The following PCDHA9 variants were observed in gnomAD, a reference collection of about 807,000 sequenced individuals.
The protein encoded by PCDHA9 is protocadherin alpha-9.
Under a neutral mutation model 62.0 loss-of-function variants are expected in PCDHA9, and 62 were observed. The observed-to-expected ratio is 1.00, with a 90% CI of 0.81 to 1.23. The LOEUF is 1.23. Ranked by LOEUF, PCDHA9 falls within the 50% of genes most tolerant of loss-of-function variation. The pLI is 0.00. For synonymous variants in PCDHA9, 557 were observed against 567.6 expected (o/e 0.98, Z 0.27); for missense variants, 1,205 against 1,249.8 (o/e 0.96, Z 0.54).
intron 1 of PCDHA9, among the ~76,000 whole-genome samples, chr5:140,930,655 C>T (rs1554207993): frequency 6.6e-6 from 1 of 152,110 alleles, no homozygotes; most frequent in Non-Finnish European, 1.5e-5. Context: ...TGAAGCATTC[C>T]TTGTTTTACT....
chr5:140,849,719 G>T lies in PCDHA9; in HGVS notation c.1224G>T (p.Val408=), dbSNP rs1386986772. The change falls in exon 1 of 4, where the codon GTG becomes GTT. Residue 408 remains valine (V), a synonymous_variant. Transcript: ENST00000532602. ...VSTYKNYYSL[V]LDRALDRESV... is the part of the protein sequence containing the mutation. ...CCTACAAGAATTACTACTCGTTGGT[G>T]CTGGACAGAGCTCTGGACCGCGAGA... The T allele has an allele frequency of 6.3e-7, 1 of 1,598,444 alleles. No individual in the cohort carries two copies. Among genetic ancestry groups the T allele is most frequent in the African/African-American group, 1.3e-5 (1 of 74,340 alleles).
chr5:140,982,331 G>A lies in PCDHA9; in HGVS notation c.2454-144G>A, dbSNP rs1422921231. On this transcript the variant is annotated intron_variant, in intron 2 of 3. Coordinates refer to ENST00000532602, the MANE Select transcript of PCDHA9 (RefSeq NM_031857.2). ...GCAGTTTATGCAGGGTGACTGCTCA[G>A]CAGTAATTGCTTCAGTTCAAGCATG... The A allele has an allele frequency of 6.3e-6, 9 of 1,431,750 alleles. No individual in the cohort carries two copies. In the Admixed American group the frequency reaches 1.6e-4, roughly 26 times the overall value. 88.7% of individuals were successfully genotyped at this position (1,431,750 alleles called of 1,614,324 possible).
intron 1 of PCDHA9, among the ~76,000 whole-genome samples, chr5:140,917,700 T>C (rs879971168): frequency 2.0e-5 from 3 of 152,166 alleles, no homozygotes; most frequent in Non-Finnish European, 4.4e-5. Flanking sequence ...GATCAGATAA[T>C]TGTAGGTGTG....
At chr5:140,958,995 T>G (rs868959473) in intron 1 of PCDHA9, among the ~76,000 whole-genome samples, 1 of 152,148 alleles carries the variant, frequency 6.6e-6, no homozygotes, top group African/African-American at 2.4e-5. Flanking sequence ...TGCTAATCTT[T>G]TACTGTACCT....
rs569501434 is a variant in PCDHA9 at position 140,980,458 on chromosome 5, T to C, written c.2453+1451T>C. Among the ~76,000 whole-genome samples the C allele has an allele frequency of 1.6e-4, 25 of 152,264 alleles. No individual in the cohort carries two copies. The South Asian group carries it at 2.7e-3, about 16-fold the overall frequency. ...CATCCTGGACAACACGGTGAAACCC[T>C]GTCTCTACTAAAAATACAAAAATTA... On this transcript the variant is annotated intron_variant, in intron 2 of 3. Coordinates refer to ENST00000532602, the MANE Select transcript of PCDHA9 (RefSeq NM_031857.2).
In PCDHA9 at chr5:140,934,078, G is replaced by A. The variant is rs13188437; in HGVS notation, c.2395-44871G>A. On this transcript the variant is annotated intron_variant, in intron 1 of 3. Transcript: ENST00000532602. ...GGCTAACTTTTGGTGTTTTGGGTTC[G>A]CTTTGTTGTATGTTTGCTTTCTATT... is the stretch of plus-strand genomic sequence containing the variant. 1.4e-3 allele frequency among the ~76,000 whole-genome samples: 217 copies of A among 151,620 alleles called. 1 individual carries two copies. Among genetic ancestry groups the A allele is most frequent in the African/African-American group, 4.8e-3 (200 of 41,380 alleles).
At chr5:140,986,393 C>T (rs1554248003) in intron 3 of PCDHA9, among the ~76,000 whole-genome samples, 1 of 152,148 alleles carries the variant, frequency 6.6e-6, no homozygotes, top group Non-Finnish European at 1.5e-5. Context: ...ATTAAAGGGC[C>T]AGTCGCTCAT....
chr5:140,926,570 G>A (rs2083360845), intron 1 of PCDHA9: 1 of 267,246 alleles, frequency 3.7e-6, no homozygotes, highest in African/African-American at 2.2e-5. Flanking sequence ...TGCTACTGGA[G>A]ACAGCACCTC....
intron 1 of PCDHA9, among the ~76,000 whole-genome samples, chr5:140,914,826 CA>C: frequency 6.6e-6 from 1 of 151,812 alleles, no homozygotes; most frequent in East Asian, 1.9e-4. Context: ...ACTGCATAAA[CA>C]AAAAACAAAC....
rs1318290193 is a variant in PCDHA9 at position 140,849,912 on chromosome 5, C to T, written c.1417C>T (p.His473Tyr). 4 of 1,598,150 alleles carry T rather than the reference C, an allele frequency of 2.5e-6. No homozygotes were observed. Among genetic ancestry groups the T allele is most frequent in the Admixed American group, 1.7e-5 (1 of 59,292 alleles). Residue 473 changes from histidine (H) to tyrosine (Y), a missense_variant, in exon 1 of 4, where the codon CAC (histidine) becomes TAC (tyrosine). Transcript: ENST00000532602. The part of the protein sequence containing the change: ...FVKENNPPGC[H>Y]IFTVSARDAD... ...GAAGGAGAACAACCCGCCGGGCTGC[C>T]ACATCTTCACGGTGTCTGCGCGGGA...
At chr5:140,968,419 T>C (rs372766707) in intron 1 of PCDHA9, 37 of 1,613,898 alleles carry the variant, frequency 2.3e-5, no homozygotes, top group Non-Finnish European at 3.0e-5. Context: ...CTGTGGAGGC[T>C]CAGGACAAGG....
chr5:140,976,702 A>G (rs782610534), intron 1 of PCDHA9, among the ~76,000 whole-genome samples: 2 of 152,220 alleles, frequency 1.3e-5, no homozygotes, highest in Non-Finnish European at 2.9e-5. Context: ...AATAATGTTG[A>G]CTTTGCATTA....
intron 1 of PCDHA9, among the ~76,000 whole-genome samples, chr5:140,952,271 G>A (rs561917046): frequency 6.6e-6 from 1 of 151,646 alleles, no homozygotes; most frequent in East Asian, 2.0e-4. Flanking sequence ...CTGGGGTCTT[G>A]AGGGTGGTGG....
intron 3 of PCDHA9, among the ~76,000 whole-genome samples, chr5:141,000,395 C>CTATA (rs1190667031): frequency 1.7e-4 from 9 of 53,980 alleles, no homozygotes; most frequent in Admixed American, 6.3e-4. Flanking sequence ...CTCTCTCTCT[C>CTATA]TATATATATA....
intron 1 of PCDHA9, chr5:140,927,559 G>C: frequency 6.2e-7 from 1 of 1,614,170 alleles, no homozygotes; most frequent in Non-Finnish European, 8.5e-7. Flanking sequence ...CACCATCATT[G>C]TGGTGGACAC....
chr5:140,857,254 TTAC>T, intron 1 of PCDHA9: 1 of 1,598,512 alleles, frequency 6.3e-7, no homozygotes, highest in Non-Finnish European at 8.6e-7. Flanking sequence ...CCTACAAGAA[TTAC>T]TACTCATTGG....
At chr5:140,883,331 T>C (rs782330597) in intron 1 of PCDHA9, 1 of 1,614,064 alleles carries the variant, frequency 6.2e-7, no homozygotes, top group East Asian at 2.2e-5. Flanking sequence ...CATCACTTCT[T>C]TGTCACTCCC....
At chr5:140,884,504 G>C in intron 1 of PCDHA9, 2 of 1,614,180 alleles carry the variant, frequency 1.2e-6, no homozygotes, top group South Asian at 2.2e-5. Flanking sequence ...CAGCGCGGCA[G>C]GGAGTTGGTC....
At chr5:140,978,924 GA>G (rs781894146) in intron 1 of PCDHA9, 24 bp from the exon 2 acceptor site, 202 of 1,613,894 alleles carry the variant, frequency 1.3e-4, no homozygotes, top group Middle Eastern at 6.6e-4. Context: ...CATTTTAACA[GA>G]AAACTCTCTT....
Sources: gnomAD v4.1 joint callset for allele counts (sites outside exome capture counted in the v4.1 genomes callset) on GRCh38, gnomAD v4.1.1 for gene constraint, MANE v1.5 for transcripts, NCBI Gene and HGNC (gene_info 2026-07-23, HGNC 2026-07-21) for gene names.